TMEM116: variants seen among roughly 807,000 people sequenced by gnomAD.
TMEM116 encodes the protein transmembrane protein 116.
Under a neutral mutation model 44.3 loss-of-function variants are expected in TMEM116, and 38 were observed. The ratio of observed to expected loss-of-function variants is 0.86; its 90% CI spans 0.66 to 1.12. TMEM116 has a LOEUF of 1.12. Ranked by LOEUF, TMEM116 falls within the 50% of genes most tolerant of loss-of-function variation. TMEM116 has a pLI of 0.00. For missense variants in TMEM116, 354 were observed against 401.7 expected (o/e 0.88, Z 1.01); for synonymous variants, 132 against 144.8 (o/e 0.91, Z 0.64).
chr12:111,971,248 TG>T (rs990085736), intron 4 of TMEM116, among the ~76,000 whole-genome samples: 1 of 152,194 alleles, frequency 6.6e-6, no homozygotes, highest in Non-Finnish European at 1.5e-5. Flanking sequence ...ATATAAAGTA[TG>T]TTTTTTTCTT....
At chr12:111,970,734 C>T (rs990940820) in intron 4 of TMEM116, among the ~76,000 whole-genome samples, 1 of 151,982 alleles carries the variant, frequency 6.6e-6, no homozygotes, top group Non-Finnish European at 1.5e-5. Context: ...CTACAGGCAC[C>T]TGCCACCATG....
In TMEM116 at chr12:111,931,803, G is replaced by A. The variant is rs2071668244; in HGVS notation, c.832C>T (p.Leu278=). The change falls in exon 11 of 11, where the codon CTA becomes TTA. Residue 278 remains leucine, a synonymous_variant. Coordinates refer to ENST00000552374, the MANE Select transcript of TMEM116 (RefSeq NM_001193531.2). ...LQALTATSQG[L]LNCGVYGWTQ... ...CAGCCATATACTCCACAGTTGAGTA[G>A]ACCCTGAGATGTTGCCGTTAGAGCC... The A allele has an allele frequency of 6.5e-7, 1 of 1,545,298 alleles. No individual in the cohort carries two copies. Among genetic ancestry groups the A allele is most frequent in the African/African-American group, 1.4e-5 (1 of 72,308 alleles).
Position 111,991,906 on chromosome 12 carries a change from A to G in TMEM116, c.79-17T>C. ...TGGTCTTATCTGTCAAAGTAATAAA[A>G]TCCTCATTTCATATGTGATGTAGCT... On this transcript the variant is annotated splice_polypyrimidine_tract_variant and intron_variant, in intron 3 of 10. Coordinates refer to ENST00000552374, the MANE Select transcript of TMEM116 (RefSeq NM_001193531.2). The G allele has an allele frequency of 6.5e-7, 1 of 1,532,722 alleles. No individual in the cohort carries two copies. Among genetic ancestry groups the G allele is most frequent in the East Asian group, 2.5e-5 (1 of 40,730 alleles). 94.9% of individuals were successfully genotyped at this position (1,532,722 alleles called of 1,614,324 possible).
At chr12:112,008,090 G>A (rs2077670549) in intron 1 of TMEM116, among the ~76,000 whole-genome samples, 1 of 152,202 alleles carries the variant, frequency 6.6e-6, no homozygotes, top group African/African-American at 2.4e-5. Flanking sequence ...GGCTGCGGCA[G>A]GAGGATCTCT....
rs372891889 is a variant in TMEM116 at position 111,936,862 on chromosome 12, C to T, written c.450-32G>A. On this transcript the variant is annotated intron_variant, in intron 7 of 10. Coordinates refer to ENST00000552374, the MANE Select transcript of TMEM116 (RefSeq NM_001193531.2). Reference sequence around the variant, plus strand: ...AGAAAATCAATAAACAGGAGTACTACTACAGATGTAAGAAAAGAGCTGCTC... The same window carrying T: ...AGAAAATCAATAAACAGGAGTACTATTACAGATGTAAGAAAAGAGCTGCTC... 2.3e-5 allele frequency: 36 copies of T among 1,547,040 alleles called. No homozygotes were observed. The African/African-American group carries it at 4.1e-4, about 18-fold the overall frequency.
In TMEM116 at chr12:111,943,151, T is replaced by C. The variant is rs944249302; in HGVS notation, c.315+114A>G. 41 of 810,886 alleles carry C rather than the reference T, an allele frequency of 5.1e-5. No homozygotes were observed. In the African/African-American group the frequency reaches 6.5e-4, roughly 13 times the overall value. 50.2% of individuals were successfully genotyped at this position (810,886 alleles called of 1,614,324 possible). On this transcript the variant is annotated intron_variant, in intron 5 of 10. Transcript: ENST00000552374. ...CTTGCCCAGACTGGCCTCGAATTCC[T>C]GGGCATAAGCAATCTGCCCCCCTCA...
At chr12:111,981,623 G>A (rs564850913) in intron 4 of TMEM116, among the ~76,000 whole-genome samples, 32 of 152,278 alleles carry the variant, frequency 2.1e-4, no homozygotes, top group African/African-American at 7.5e-4. Context: ...AAATACATTA[G>A]CCACAGCCTT....
chr12:111,998,057 T>C (rs977822244), intron 3 of TMEM116, among the ~76,000 whole-genome samples: 9 of 152,212 alleles, frequency 5.9e-5, no homozygotes, highest in Non-Finnish European at 1.2e-4. Context: ...AAGCAAGAAT[T>C]GCATTTCAGG....
chr12:111,972,406 C>T (rs1165818793), intron 4 of TMEM116, among the ~76,000 whole-genome samples: 3 of 152,180 alleles, frequency 2.0e-5, no homozygotes, highest in Non-Finnish European at 4.4e-5. Context: ...CAATACTCCT[C>T]ACTCACTAAT....
At chr12:111,948,491 G>C (rs556174628) in intron 4 of TMEM116, among the ~76,000 whole-genome samples, 3 of 152,146 alleles carry the variant, frequency 2.0e-5, no homozygotes, top group Non-Finnish European at 4.4e-5. Flanking sequence ...TAAATATTTT[G>C]ATCAATAGTA....
At chr12:111,983,355 G>C (rs1416813352) in intron 4 of TMEM116, among the ~76,000 whole-genome samples, 1 of 152,140 alleles carries the variant, frequency 6.6e-6, no homozygotes, top group African/African-American at 2.4e-5. Flanking sequence ...AGAATCGCTT[G>C]AGCCTGGGAG....
chr12:111,993,843 T>G, intron 3 of TMEM116: 1 of 749,922 alleles, frequency 1.3e-6, no homozygotes, highest in East Asian at 2.5e-5. Flanking sequence ...CTGTGGTATC[T>G]GTGTTGAATA....
chr12:111,993,431 T>C (rs952020846), intron 3 of TMEM116: 15 of 560,224 alleles, frequency 2.7e-5, no homozygotes, highest in African/African-American at 5.7e-5. Context: ...AAGTCTTGTA[T>C]AGCAACATAC....
intron 1 of TMEM116, among the ~76,000 whole-genome samples, chr12:112,009,562 G>C (rs937957990): frequency 1.3e-5 from 2 of 151,220 alleles, no homozygotes; most frequent in Non-Finnish European, 2.9e-5. Context: ...AAAATGCTGG[G>C]TGCAGTGGGT....
rs539429835 is a variant in TMEM116 at position 112,005,393 on chromosome 12, A to C, written c.-33-90T>G. 112 of 941,262 alleles carry C rather than the reference A, an allele frequency of 1.2e-4. No individual in the cohort carries two copies. In the African/African-American group the frequency reaches 1.8e-3, roughly 15 times the overall value. The allele number at this position is 941,262 out of a possible 1,614,324, so 58.3% of individuals were successfully genotyped here. A position where few individuals can be genotyped will look rare whatever the true frequency, so the allele number is the denominator to read the frequency against. On this transcript the variant is annotated intron_variant, in intron 1 of 10. Transcript: ENST00000552374. ...ATTATTAACTATCTGTACAGCATGA[A>C]TTTTTCTTCAAAGCCTAATCTCAAA...
intron 4 of TMEM116, among the ~76,000 whole-genome samples, chr12:111,969,634 A>G (rs112426410): frequency 0.2 from 29,704 of 151,376 alleles, 3,111 homozygotes; most frequent in African/African-American, 0.27. Context: ...CGGGACTGCA[A>G]TGGTGCTATC....
intron 4 of TMEM116, among the ~76,000 whole-genome samples, chr12:111,952,196 TC>T (rs1466530501): frequency 6.6e-6 from 1 of 152,068 alleles, no homozygotes; most frequent in African/African-American, 2.4e-5. Context: ...GCCACTGCAC[TC>T]CAGCCTGGTG....
chr12:112,008,714 G>A (rs913066534), intron 1 of TMEM116, among the ~76,000 whole-genome samples: 1 of 152,180 alleles, frequency 6.6e-6, no homozygotes, highest in African/African-American at 2.4e-5. Context: ...GAGTACGCCT[G>A]TAATCCCAGC....
chr12:111,964,310 C>T (rs147953832), intron 4 of TMEM116, among the ~76,000 whole-genome samples: 151 of 151,894 alleles, frequency 9.9e-4, no homozygotes, highest in African/African-American at 3.4e-3. Flanking sequence ...TTGGTAGTGG[C>T]GCATGCCTGT....
Sources: allele counts gnomAD v4.1 joint callset (sites outside exome capture counted in the v4.1 genomes callset), GRCh38; gene constraint gnomAD v4.1.1; transcripts MANE v1.5; gene names NCBI Gene and HGNC (gene_info 2026-07-23, HGNC 2026-07-21).